The following C2orf80 variants were observed in gnomAD, a reference collection of about 807,000 sequenced individuals.
C2orf80 encodes the protein chromosome 2 open reading frame 80, also known as uncharacterized protein C2orf80.
In C2orf80, 28 loss-of-function variants were observed where a neutral mutation model predicts 30.2. That is an observed-to-expected ratio of 0.93 (90% CI 0.69 to 1.27). C2orf80 has a LOEUF of 1.27. Among genes scored for constraint, C2orf80 ranks in the 50% most tolerant of loss-of-function variants. The pLI is 0.00. For missense variants in C2orf80, 220 were observed against 231.0 expected (o/e 0.95, Z 0.31); for synonymous variants, 80 against 76.4 (o/e 1.05, Z -0.24).
intron 6 of C2orf80, among the ~76,000 whole-genome samples, chr2:208,176,907 G>GTGTATACATATCTGTATACCTA (rs1559340157): frequency 9.9e-5 from 1 of 10,136 alleles, no homozygotes. Context: ...ATACATATCT[G>GTGTATACATATCTGTATACCTA]TGTATACATA....
At chr2:208,171,897 A>G (rs918720840) in intron 7 of C2orf80, 91 bp downstream of exon 7, 13 of 1,055,624 alleles carry the variant, frequency 1.2e-5, no homozygotes, top group Non-Finnish European at 1.8e-5. Flanking sequence ...TCTAATTCCC[A>G]TTACAATTTT....
At chr2:208,174,885 C>G (rs1407960716) in intron 6 of C2orf80, among the ~76,000 whole-genome samples, 1 of 151,818 alleles carries the variant, frequency 6.6e-6, no homozygotes, top group African/African-American at 2.4e-5. Context: ...TTTCCACTCT[C>G]TCTGTCTCCC....
intron 6 of C2orf80, among the ~76,000 whole-genome samples, chr2:208,174,310 A>G (rs1468833189): frequency 2.0e-5 from 3 of 152,128 alleles, no homozygotes; most frequent in African/African-American, 4.8e-5. Flanking sequence ...CCCTCCCCTT[A>G]TCATGAAAAC....
chr2:208,181,071 T>C (rs1208857219), intron 5 of C2orf80, 147 bp downstream of exon 5: 6 of 690,598 alleles, frequency 8.7e-6, no homozygotes, highest in South Asian at 2.1e-5. Flanking sequence ...AGTCTTTTTA[T>C]TACTTTAAAA....
intron 6 of C2orf80, among the ~76,000 whole-genome samples, chr2:208,177,517 G>A (rs971392657): frequency 2.0e-5 from 3 of 151,864 alleles, no homozygotes; most frequent in Admixed American, 6.6e-5. Context: ...CTCCAGCCTG[G>A]GCAACAATAG....
chr2:208,181,733 C>T (rs543561753), intron 4 of C2orf80, among the ~76,000 whole-genome samples: 96 of 152,098 alleles, frequency 6.3e-4, no homozygotes, highest in African/African-American at 2.3e-3. Context: ...CAGCGTATTC[C>T]ACCTCCCCTG....
At chr2:208,185,063 T>C in intron 2 of C2orf80, 31 bp from the exon 3 acceptor site, 1 of 1,565,338 alleles carries the variant, frequency 6.4e-7, no homozygotes. Flanking sequence ...ATTGAACCAT[T>C]GGAGTGACAC....
chr2:208,181,542 G>T (rs1391042118), intron 4 of C2orf80, among the ~76,000 whole-genome samples: 1 of 152,114 alleles, frequency 6.6e-6, no homozygotes, highest in African/African-American at 2.4e-5. Flanking sequence ...AGCAATCAAA[G>T]ATTGGCAGAC....
chr2:208,172,620 AC>A (rs1696138753), intron 6 of C2orf80, among the ~76,000 whole-genome samples: 2 of 152,198 alleles, frequency 1.3e-5, no homozygotes, highest in African/African-American at 4.8e-5. Context: ...ATACCATAAT[AC>A]ACTTAACAGA....
At chr2:208,166,252 T>C (rs780635628) in intron 8 of C2orf80, among the ~76,000 whole-genome samples, 1 of 152,158 alleles carries the variant, frequency 6.6e-6, no homozygotes, top group Non-Finnish European at 1.5e-5. Flanking sequence ...ACATAACTTC[T>C]AATGGCTCAG....
intron 8 of C2orf80, chr2:208,168,381 C>T (rs1695971419): frequency 3.1e-6 from 1 of 323,880 alleles, no homozygotes; most frequent in Non-Finnish European, 5.9e-6. Context: ...AGATACATTA[C>T]CCAAGAGTTG....
Position 208,181,242 on chromosome 2 carries a change from T to A in C2orf80, c.270A>T (p.Leu90Phe), listed in dbSNP as rs374329527. Residue 90 changes from leucine (L) to phenylalanine (F), a missense_variant, in exon 5 of 9, where the codon TTA becomes TTT. Physicochemically the swap from Leu to Phe is conservative, Grantham distance 22. Transcript: ENST00000341287. The part of the protein sequence containing the change: ...PNRREREAMI[L>F]SSYAGILMNS... ...CCATTAAGATTCCAGCATAAGATGA[T>A]AAAATCATAGCTTCTCGTTCTCTAC... 5 of 1,609,814 alleles carry A rather than the reference T, an allele frequency of 3.1e-6. No homozygotes were observed. In the African/African-American group the frequency reaches 6.7e-5, roughly 22 times the overall value.
At chr2:208,177,097 G>A (rs2105903144) in intron 6 of C2orf80, among the ~76,000 whole-genome samples, 1 of 131,136 alleles carries the variant, frequency 7.6e-6, no homozygotes, top group East Asian at 2.8e-4. Context: ...TACATATATA[G>A]TAGTATAGTA....
At chr2:208,171,120 A>G (rs1696085093) in intron 7 of C2orf80, 57 bp from the exon 8 acceptor site, 1 of 1,146,354 alleles carries the variant, frequency 8.7e-7, no homozygotes, top group African/African-American at 1.6e-5. Flanking sequence ...AAATGTGTCC[A>G]TCCAAAGTTT....
chr2:208,169,570 G>A (rs923412134), intron 8 of C2orf80, among the ~76,000 whole-genome samples: 16 of 151,756 alleles, frequency 1.1e-4, no homozygotes, highest in African/African-American at 2.7e-4. Context: ...AAAATTAGCC[G>A]GGTGTGGTGG....
chr2:208,166,746 C>T (rs1282989914), intron 8 of C2orf80, among the ~76,000 whole-genome samples: 3 of 152,090 alleles, frequency 2.0e-5, no homozygotes, highest in Admixed American at 6.6e-5. Flanking sequence ...GCTCCGCCTC[C>T]TGGGTTCATG....
chr2:208,172,144 G>C, intron 6 of C2orf80, 69 bp from the exon 7 acceptor site: 4 of 1,206,084 alleles, frequency 3.3e-6, no homozygotes, highest in Non-Finnish European at 4.9e-6. Flanking sequence ...GCTAGTCACA[G>C]CATTTGGCCT....
chr2:208,177,497 C>T (rs1261767498), intron 6 of C2orf80, among the ~76,000 whole-genome samples: 1 of 152,024 alleles, frequency 6.6e-6, no homozygotes, highest in Non-Finnish European at 1.5e-5. Context: ...GCCGAGATTG[C>T]ACCACTGCAC....
intron 8 of C2orf80, among the ~76,000 whole-genome samples, chr2:208,169,626 T>A (rs1315063759): frequency 1.3e-5 from 2 of 150,170 alleles, no homozygotes; most frequent in African/African-American, 4.9e-5. Flanking sequence ...GGCAGGAGAA[T>A]CGCTTGAACT....
Sources: gnomAD v4.1 joint callset for allele counts (sites outside exome capture counted in the v4.1 genomes callset) on GRCh38, gnomAD v4.1.1 for gene constraint, MANE v1.5 for transcripts, NCBI Gene and HGNC (gene_info 2026-07-23, HGNC 2026-07-21) for gene names.